The following CABLES2 variants were observed in gnomAD, a reference collection of about 807,000 sequenced individuals.
CABLES2 encodes Cdk5 and Abl enzyme substrate 2.
Under a neutral mutation model 44.8 loss-of-function variants are expected in CABLES2, and 35 were observed. The observed-to-expected ratio is 0.78, with a 90% CI of 0.60 to 1.04. CABLES2 has a LOEUF of 1.04. Among genes scored for constraint, CABLES2 ranks in the 50% least tolerant of loss-of-function variants. The pLI is 0.00. For synonymous variants in CABLES2, 282 were observed against 281.1 expected, an observed-to-expected ratio of 1.00 and a Z score of -0.03; for missense variants, 566 against 615.7, an observed-to-expected ratio of 0.92 and a Z score of 0.85.
At chr20:62,397,927 T>TGGTGGTGGTGGTGGC (rs1988053345) in intron 1 of CABLES2, among the ~76,000 whole-genome samples, 1 of 100,240 alleles carries the variant, frequency 1.0e-5, no homozygotes, top group Non-Finnish European at 1.9e-5. Flanking sequence ...GTGGTGATGG[T>TGGTGGTGGTGGTGGC]GGTGGTGGTG....
chr20:62,406,694 G>A (rs886309985), intron 1 of CABLES2, among the ~76,000 whole-genome samples: 1 of 45,900 alleles, frequency 2.2e-5, no homozygotes, highest in African/African-American at 2.0e-4. Context: ...AGGGGCTCAG[G>A]TCACCTGAAC....
In CABLES2 at chr20:62,388,777, G is replaced by A. The variant is rs141939506; in HGVS notation, c.*2194C>T. On this transcript the variant is annotated 3_prime_UTR_variant, in exon 10 of 10. Coordinates refer to ENST00000279101, the MANE Select transcript of CABLES2 (RefSeq NM_031215.3). ...TGCTACCGGTGCGGAAGCAACGCCA[G>A]GCCTGGTTCTGTATAGTCACAGCCG... is the stretch of plus-strand genomic sequence containing the variant. 658 of 454,230 alleles carry A rather than the reference G, an allele frequency of 1.4e-3. 12 individuals carry two copies. In the South Asian group the frequency reaches 0.015, roughly 10 times the overall value. 28.1% of individuals were successfully genotyped at this position (454,230 alleles called of 1,614,324 possible).
chr20:62,398,750 C>T (rs192468278), intron 1 of CABLES2, among the ~76,000 whole-genome samples: 1 of 152,366 alleles, frequency 6.6e-6, no homozygotes, highest in East Asian at 1.9e-4. Flanking sequence ...TTGGGCACAG[C>T]CACAGTCCCA....
intron 1 of CABLES2, among the ~76,000 whole-genome samples, chr20:62,400,039 T>C (rs1309486421): frequency 6.6e-6 from 1 of 152,206 alleles, no homozygotes; most frequent in Non-Finnish European, 1.5e-5. Context: ...AACAAGAGCT[T>C]GTTGAAAACA....
chr20:62,393,435 G>C lies in CABLES2; in HGVS notation c.880+5C>G. On this transcript the variant is annotated splice_donor_5th_base_variant and intron_variant, in intron 6 of 9. Coordinates refer to ENST00000279101, the MANE Select transcript of CABLES2 (RefSeq NM_031215.3). Reference sequence around the variant, plus strand: ...TCCAGGCCGTGGTTAAGGCACGTGGGCTACCTAGTTCTGTGCTGGCTGGTG... The same window carrying C: ...TCCAGGCCGTGGTTAAGGCACGTGGCCTACCTAGTTCTGTGCTGGCTGGTG... 1.3e-6 allele frequency: 2 copies of C among 1,587,596 alleles called. No homozygotes were observed. Among genetic ancestry groups the C allele is most frequent in the Non-Finnish European group, 1.7e-6 (2 of 1,165,514 alleles).
chr20:62,395,072 T>C, intron 3 of CABLES2, 58 bp from the exon 4 acceptor site: 1 of 1,272,200 alleles, frequency 7.9e-7, no homozygotes, highest in East Asian at 2.3e-5. Flanking sequence ...AAGGTACTGC[T>C]GCTTCCAGAG....
chr20:62,398,068 TGACGGTGGTGGTGGTGGTGAC>T lies in CABLES2; in HGVS notation c.363-1497_363-1477del, dbSNP rs1377025081. Among the ~76,000 whole-genome samples, 10 of 50,906 alleles carry T rather than the reference TGACGGTGGTGGTGGTGGTGAC, an allele frequency of 2.0e-4. No individual in the cohort carries two copies. In the East Asian group the frequency reaches 4.0e-3, roughly 20 times the overall value. 33.4% of individuals were successfully genotyped at this position (50,906 alleles called of 152,430 possible). A position where few individuals can be genotyped will look rare whatever the true frequency, so the allele number is the denominator to read the frequency against. On this transcript the variant is annotated intron_variant, in intron 1 of 9. Coordinates refer to ENST00000279101, the MANE Select transcript of CABLES2 (RefSeq NM_031215.3). ...ATGGTGGTGATGGCGATGGTGGTGG[TGACGGTGGTGGTGGTGGTGAC>T]GGTGGTGGTGGTGGTGATGGTGGTG...
At chr20:62,397,997 GATGGTGA>G (rs1988067531) in intron 1 of CABLES2, among the ~76,000 whole-genome samples, 1 of 117,858 alleles carries the variant, frequency 8.5e-6, no homozygotes, top group Non-Finnish European at 1.8e-5. Flanking sequence ...TGGTGGTGAT[GATGGTGA>G]TGGTTATGGC....
At position 62,393,004 on chromosome 20, in the gene CABLES2, G is replaced by C; in HGVS notation, c.900C>G (p.Thr300=). The C allele has an allele frequency of 1.9e-6, 3 of 1,613,932 alleles. No individual in the cohort carries two copies. Among genetic ancestry groups the C allele is most frequent in the East Asian group, 2.2e-5 (1 of 44,884 alleles). ...CCAGGAGGTTGGGGTTGTACTCCAG[G>C]GTGTCCCCCACGTCACTCCCTGTAA... The part of the protein sequence containing the change: ...STELGSDVGD[T]LEYNPNLLDD... The change falls in exon 7 of 10, where the codon ACC becomes ACG. Residue 300 remains threonine, a synonymous_variant. Transcript: ENST00000279101.
At position 62,391,282 on chromosome 20, in the gene CABLES2, G is replaced by T; in HGVS notation, c.1263C>A (p.Asp421Glu). The change falls in exon 9 of 10, where the codon GAC becomes GAA. Residue 421 changes from aspartate (D) to glutamate (E), a missense_variant. Physicochemically the swap from Asp to Glu is conservative, Grantham distance 45. Transcript: ENST00000279101. This position sits in a 1 kb window ranked among gnomAD's most constrained non-coding sequence, Gnocchi z 5.7. ...GCTGCGTCACGCCGCTCTTGCGCAG[G>T]TCACTGCTGATCTTGGCAGCCAGCA... ...CVLLAAKISS[D>E]LRKSGVTQLI... 6.2e-7 allele frequency: 1 copy of T among 1,612,630 alleles called. No individual in the cohort carries two copies. Among genetic ancestry groups the T allele is most frequent in the Non-Finnish European group, 8.5e-7 (1 of 1,179,894 alleles).
At chr20:62,395,214 C>G (rs1264632928) in intron 3 of CABLES2, among the ~76,000 whole-genome samples, 200 bp from the exon 4 acceptor site, 1 of 152,244 alleles carries the variant, frequency 6.6e-6, no homozygotes, top group Non-Finnish European at 1.5e-5. Flanking sequence ...CGCAAGCTCT[C>G]AGAGTGGATT....
At chr20:62,398,897 T>C (rs147041220) in intron 1 of CABLES2, among the ~76,000 whole-genome samples, 1 of 152,380 alleles carries the variant, frequency 6.6e-6, no homozygotes, top group Non-Finnish European at 1.5e-5. Flanking sequence ...ACAGCCAGTG[T>C]AGTCCTGGTT....
At chr20:62,398,168 GGT>G (rs1988102003) in intron 1 of CABLES2, among the ~76,000 whole-genome samples, 2 of 134,284 alleles carry the variant, frequency 1.5e-5, no homozygotes, top group Non-Finnish European at 3.3e-5. Flanking sequence ...CGGTGATGGT[GGT>G]AATGGTGGTG....
At chr20:62,406,886 T>G in intron 1 of CABLES2, 29 bp downstream of exon 1, 1 of 1,169,748 alleles carries the variant, frequency 8.5e-7, no homozygotes, top group Non-Finnish European at 1.1e-6. Flanking sequence ...CCCCGCGTCC[T>G]GGGCTGACCT....
rs752069243 is a variant in CABLES2 at position 62,393,642 on chromosome 20, C to G, written c.715-37G>C. The G allele has an allele frequency of 6.5e-6, 10 of 1,530,638 alleles. No individual in the cohort carries two copies. In the South Asian group the frequency reaches 1.3e-4, roughly 20 times the overall value. The allele number at this position is 1,530,638 out of a possible 1,614,324, so 94.8% of individuals were successfully genotyped here. On this transcript the variant is annotated intron_variant, in intron 5 of 9. Coordinates refer to ENST00000279101, the MANE Select transcript of CABLES2 (RefSeq NM_031215.3). ...AATGCATCTGGCCTCAGCTCTGCCT[C>G]CCGGGACCAGAGGGCAAAGTGAGCT...
In CABLES2 at chr20:62,392,489, CTG is replaced by C; in HGVS notation, c.989_990del (p.Thr330SerfsTer61). 6.2e-7 allele frequency: 1 copy of C among 1,613,444 alleles called. No individual in the cohort carries two copies. Among genetic ancestry groups the C allele is most frequent in the Non-Finnish European group, 8.5e-7 (1 of 1,179,392 alleles). On this transcript the variant is annotated frameshift_variant, in exon 8 of 10. Coordinates refer to ENST00000279101, the MANE Select transcript of CABLES2 (RefSeq NM_031215.3). LOFTEE classifies it high-confidence loss of function. ...TCTGAGGGCTTCACGTATTCTATCA[CTG>C]TGGTCTGCAACAGAGAGTGGGCAGG... ...RVLIFASYMT[T>X]VIEYVKPSDL...
intron 1 of CABLES2, among the ~76,000 whole-genome samples, chr20:62,398,460 C>T (rs921282003): frequency 7.9e-5 from 12 of 152,036 alleles, no homozygotes; most frequent in African/African-American, 2.2e-4. Context: ...GCATTCTCAG[C>T]GTGTCAACAG....
At position 62,390,950 on chromosome 20, in the gene CABLES2, G is replaced by T. The variant is rs1398504907; in HGVS notation, c.*21C>A. On this transcript the variant is annotated 3_prime_UTR_variant, in exon 10 of 10. Coordinates refer to ENST00000279101, the MANE Select transcript of CABLES2 (RefSeq NM_031215.3). Reference sequence around the variant, plus strand: ...GCCGGCAAGTGCACCTCGGTGCCCTGAGCCTTCTGTGGGGCCTCTGCTAGA... The same window carrying T: ...GCCGGCAAGTGCACCTCGGTGCCCTTAGCCTTCTGTGGGGCCTCTGCTAGA... The T allele has an allele frequency of 1.2e-6, 2 of 1,613,102 alleles. No homozygotes were observed. Among genetic ancestry groups the T allele is most frequent in the South Asian group, 2.2e-5 (2 of 91,074 alleles).
At chr20:62,392,783 A>T in intron 7 of CABLES2, 137 bp downstream of exon 7, 2 of 791,670 alleles carry the variant, frequency 2.5e-6, no homozygotes, top group Non-Finnish European at 2.1e-6. Flanking sequence ...GCACACCGCC[A>T]CTGTCTGTGC....
Sources: allele counts gnomAD v4.1 joint callset (sites outside exome capture counted in the v4.1 genomes callset), GRCh38; gene constraint gnomAD v4.1.1; non-coding constraint Gnocchi (gnomAD v3.1); transcripts MANE v1.5; gene names NCBI Gene and HGNC (gene_info 2026-07-23, HGNC 2026-07-21).